Variants in IQCM observed in about 807,000 individuals in gnomAD.
IQCM encodes the protein IQ motif containing M.
IQCM carries 45 observed loss-of-function variants against 57.6 expected under a neutral mutation model. That is an observed-to-expected ratio of 0.78 (90% CI 0.62 to 1.00). IQCM has a LOEUF of 1.00. Ranked by LOEUF, IQCM falls within the 50% of genes least tolerant of loss-of-function variation. The pLI, the probability that IQCM is intolerant of heterozygous loss-of-function variation, is 0.00. For missense variants in IQCM, 468 were observed against 511.6 expected, an observed-to-expected ratio of 0.91 and a Z score of 0.82; for synonymous variants, 148 against 158.9, an observed-to-expected ratio of 0.93 and a Z score of 0.51.
intron 12 of IQCM, among the ~76,000 whole-genome samples, chr4:149,525,982 A>G (rs566514639): frequency 6.6e-6 from 1 of 152,046 alleles, no homozygotes; most frequent in African/African-American, 2.4e-5. Flanking sequence ...GAGCAACTAT[A>G]TATCACAGAA....
At chr4:149,375,843 C>T (rs185296359) in intron 13 of IQCM, among the ~76,000 whole-genome samples, 72 of 152,092 alleles carry the variant, frequency 4.7e-4, no homozygotes, top group South Asian at 1.9e-3. Flanking sequence ...TTTAATGAAA[C>T]GAACAAACGT....
chr4:149,681,966 G>A (rs924053815), intron 7 of IQCM, among the ~76,000 whole-genome samples, 152 bp downstream of exon 7: 1 of 141,432 alleles, frequency 7.1e-6, no homozygotes, highest in Non-Finnish European at 1.6e-5. Flanking sequence ...ATTAGTAGTT[G>A]TTTCCAAAAT....
intron 12 of IQCM, among the ~76,000 whole-genome samples, chr4:149,456,071 A>C (rs577867883): frequency 3.9e-5 from 6 of 152,208 alleles, no homozygotes; most frequent in Non-Finnish European, 8.8e-5. Context: ...AAAGAGATTA[A>C]AAAGAGAAAA....
intron 13 of IQCM, among the ~76,000 whole-genome samples, chr4:149,360,490 G>C (rs1266013116): frequency 6.6e-6 from 1 of 152,074 alleles, no homozygotes; most frequent in Non-Finnish European, 1.5e-5. Flanking sequence ...AATATGGTTT[G>C]GCTGTGTCCC....
intron 9 of IQCM, among the ~76,000 whole-genome samples, chr4:149,572,612 T>A (rs899483694): frequency 1.3e-5 from 2 of 151,998 alleles, no homozygotes; most frequent in African/African-American, 4.8e-5. Flanking sequence ...ATTTCCTAAC[T>A]ATGGTATAAT....
At chr4:149,659,318 A>G (rs947448795) in intron 7 of IQCM, among the ~76,000 whole-genome samples, 10 of 152,276 alleles carry the variant, frequency 6.6e-5, no homozygotes, top group African/African-American at 2.4e-4. Context: ...CCACCGCTCA[A>G]TGAAATAAAA....
chr4:149,610,208 T>C (rs1390084314), intron 8 of IQCM, among the ~76,000 whole-genome samples: 2 of 151,650 alleles, frequency 1.3e-5, no homozygotes, highest in Non-Finnish European at 3.0e-5. Context: ...CTATAAAACA[T>C]TGATGAAAGA....
intron 7 of IQCM, among the ~76,000 whole-genome samples, chr4:149,653,996 A>G (rs1759421070): frequency 6.6e-6 from 1 of 152,168 alleles, no homozygotes; most frequent in African/African-American, 2.4e-5. Context: ...GACTACAGAA[A>G]GGAAAAGGAT....
chr4:149,562,048 T>C (rs1750174551), intron 10 of IQCM, among the ~76,000 whole-genome samples: 1 of 152,156 alleles, frequency 6.6e-6, no homozygotes, highest in African/African-American at 2.4e-5. Flanking sequence ...ACACAGAGAA[T>C]GTGTCAGGGG....
chr4:149,627,699 G>A (rs531546614), intron 7 of IQCM, among the ~76,000 whole-genome samples: 1 of 152,270 alleles, frequency 6.6e-6, no homozygotes, highest in Admixed American at 6.5e-5. Context: ...TTCAGAAAGA[G>A]ACCCATGTCC....
At chr4:149,467,415 A>G (rs1308989844) in intron 12 of IQCM, among the ~76,000 whole-genome samples, 1 of 152,188 alleles carries the variant, frequency 6.6e-6, no homozygotes, top group Non-Finnish European at 1.5e-5. Flanking sequence ...GCACTGTTCT[A>G]GGTTTTAGGG....
chr4:149,354,773 T>A (rs1728841560), intron 13 of IQCM, among the ~76,000 whole-genome samples: 1 of 152,248 alleles, frequency 6.6e-6, no homozygotes, highest in South Asian at 2.1e-4. Context: ...ATATATCTTG[T>A]CCAATTATTG....
chr4:149,701,472 T>C (rs548171626), intron 5 of IQCM, among the ~76,000 whole-genome samples: 6 of 152,110 alleles, frequency 3.9e-5, no homozygotes, highest in African/African-American at 1.2e-4. Flanking sequence ...TGAGAGAGTG[T>C]TTGAGAATAA....
intron 7 of IQCM, among the ~76,000 whole-genome samples, chr4:149,624,714 G>A (rs1756649262): frequency 6.6e-6 from 1 of 152,106 alleles, no homozygotes; most frequent in Non-Finnish European, 1.5e-5. Flanking sequence ...AATTCACCTG[G>A]ATATCAGCAA....
chr4:149,709,413 T>A (rs552155893), intron 5 of IQCM, among the ~76,000 whole-genome samples: 3 of 152,256 alleles, frequency 2.0e-5, no homozygotes, highest in African/African-American at 7.2e-5. Context: ...TACAGGATCA[T>A]CTGCTTTTCT....
At chr4:149,528,777 T>C (rs544873441) in intron 12 of IQCM, among the ~76,000 whole-genome samples, 1 of 152,286 alleles carries the variant, frequency 6.6e-6, no homozygotes, top group Admixed American at 6.5e-5. Context: ...AGATGGTACT[T>C]CTGACCATCA....
At chr4:149,582,510 T>A (rs1348740892) in intron 9 of IQCM, among the ~76,000 whole-genome samples, 1 of 150,872 alleles carries the variant, frequency 6.6e-6, no homozygotes, top group African/African-American at 2.4e-5. Context: ...ATCAGAGCAG[T>A]CCTTTGAATT....
Position 149,775,511 on chromosome 4 carries a change from A to G in IQCM, c.-48-32772T>C, listed in dbSNP as rs75686022. On this transcript the variant is annotated intron_variant, in intron 2 of 13. Transcript: ENST00000636793. The stretch of plus-strand genomic sequence containing the variant: ...TAAAACCATCACTTCTAAATTCCCA[A>G]TCTTATAATGTTCTTTTCTATAGTT... 1.6e-3 allele frequency among the ~76,000 whole-genome samples: 244 copies of G among 152,294 alleles called. 2 individuals carry two copies. Among genetic ancestry groups the G allele is most frequent in the Non-Finnish European group, 2.2e-3 (149 of 68,012 alleles).
chr4:149,677,731 G>C (rs983648818), intron 7 of IQCM, among the ~76,000 whole-genome samples: 2 of 151,754 alleles, frequency 1.3e-5, no homozygotes, highest in Non-Finnish European at 2.9e-5. Context: ...TGAGCTCTTC[G>C]ACCAAGAACC....
Sources: gnomAD v4.1 joint callset for allele counts (sites outside exome capture counted in the v4.1 genomes callset) on GRCh38, gnomAD v4.1.1 for gene constraint, MANE v1.5 for transcripts, NCBI Gene and HGNC (gene_info 2026-07-23, HGNC 2026-07-21) for gene names.